Variants in ESR1 observed in about 807,000 individuals in gnomAD.
ESR1 encodes estrogen receptor 1.
ESR1 carries 12 observed loss-of-function variants against 52.7 expected under a neutral mutation model. The ratio of observed to expected loss-of-function variants is 0.23; its 90% confidence interval spans 0.15 to 0.37. ESR1 has a LOEUF of 0.37. ESR1 is among the 10% of genes least tolerant of loss of function. ESR1 has a pLI of 1.00. For synonymous variants in ESR1, 305 were observed against 316.8 expected (o/e 0.96, Z 0.39); for missense variants, 584 against 779.7 (o/e 0.75, Z 2.99).
At chr6:151,897,129 C>T (rs530260314) in intron 3 of ESR1, among the ~76,000 whole-genome samples, 8 of 152,136 alleles carry the variant, frequency 5.3e-5, no homozygotes, top group South Asian at 4.2e-4. Context: ...AAGTTGCATA[C>T]GCTGATGAAT....
At chr6:151,886,879 A>T (rs1331785819) in intron 3 of ESR1, among the ~76,000 whole-genome samples, 1 of 152,014 alleles carries the variant, frequency 6.6e-6, no homozygotes, top group Admixed American at 6.6e-5. Flanking sequence ...CGTCTCTACT[A>T]AGGATACAAA....
upstream of ESR1, among the ~76,000 whole-genome samples, chr6:151,800,283 G>C (rs888335461): frequency 7.9e-5 from 12 of 152,102 alleles, no homozygotes; most frequent in African/African-American, 2.9e-4. Context: ...AGAGGAGGGA[G>C]AGGAAGAGGG....
At chr6:152,044,020 G>A (rs2046022572) in intron 5 of ESR1, among the ~76,000 whole-genome samples, 2 of 152,126 alleles carry the variant, frequency 1.3e-5, no homozygotes, top group South Asian at 4.1e-4. Context: ...TCTGGAGCTG[G>A]GAGATAGAAT....
Position 151,952,772 on chromosome 6 carries a change from G to A in ESR1, c.1096+8264G>A, listed in dbSNP as rs548328435. On this transcript the variant is annotated intron_variant, in intron 4 of 7. Coordinates refer to ENST00000206249, the MANE Select transcript of ESR1 (RefSeq NM_000125.4). ...ATGAAAAGATGAATAGTCTTTATTG[G>A]CTGGGTATCTATTTTTATCCAGAAG... Among the ~76,000 whole-genome samples the A allele has an allele frequency of 1.4e-4, 22 of 152,194 alleles. No individual in the cohort carries two copies. The South Asian group carries it at 1.7e-3, about 12-fold the overall frequency.
chr6:151,923,727 G>C (rs1442987020), intron 3 of ESR1, among the ~76,000 whole-genome samples: 1 of 152,096 alleles, frequency 6.6e-6, no homozygotes, highest in Non-Finnish European at 1.5e-5. Flanking sequence ...TCTCTTGATT[G>C]CTTCTAAATT....
Position 152,101,228 on chromosome 6 carries a change from A to T in ESR1, c.*2262A>T, listed in dbSNP as rs1346897424. The T allele has an allele frequency of 8.6e-6, 2 of 232,042 alleles. No homozygotes were observed. The highest frequency in any genetic ancestry group is 4.4e-5 in the African/African-American group (2 of 45,260). 14.4% of individuals were successfully genotyped at this position (232,042 alleles called of 1,614,324 possible). A position where few individuals can be genotyped will look rare whatever the true frequency, so the allele number is the denominator to read the frequency against. Reference sequence around the variant, plus strand: ...AATGACAGACAATCTTATGTAGCAAAGATTATGCCTGAAAAGGAAAATTAT... The same window carrying T: ...AATGACAGACAATCTTATGTAGCAATGATTATGCCTGAAAAGGAAAATTAT... On this transcript the variant is annotated 3_prime_UTR_variant, in exon 8 of 8. Coordinates refer to ENST00000206249, the MANE Select transcript of ESR1 (RefSeq NM_000125.4).
At chr6:151,717,481 T>C (rs571157819) in intron 2 of ESR1, among the ~76,000 whole-genome samples, 1 of 152,360 alleles carries the variant, frequency 6.6e-6, no homozygotes, top group South Asian at 2.1e-4. Flanking sequence ...GATAGTATCT[T>C]GTAATCCAAG....
At chr6:152,058,170 CT>C (rs1453207730) in intron 5 of ESR1, among the ~76,000 whole-genome samples, 2 of 152,002 alleles carry the variant, frequency 1.3e-5, no homozygotes, top group South Asian at 2.1e-4. Context: ...ACATTTTCCC[CT>C]ATCCTTGTTT....
intron 3 of ESR1, among the ~76,000 whole-genome samples, chr6:151,911,125 A>G (rs145791604): frequency 1.3e-5 from 2 of 152,330 alleles, no homozygotes; most frequent in African/African-American, 2.4e-5. Context: ...CTAACAGGCC[A>G]TGAACTGGTA....
chr6:151,815,314 A>G (rs1034007235), intron 1 of ESR1, among the ~76,000 whole-genome samples: 2 of 152,206 alleles, frequency 1.3e-5, no homozygotes, highest in Non-Finnish European at 2.9e-5. Flanking sequence ...TTACAGGGAA[A>G]AAATTGTAGG....
At chr6:151,723,868 G>A (rs1041721074) in intron 2 of ESR1, among the ~76,000 whole-genome samples, 2 of 152,010 alleles carry the variant, frequency 1.3e-5, no homozygotes, top group Non-Finnish European at 2.9e-5. Context: ...AGACTCCATC[G>A]TGGGAAAACA....
intron 5 of ESR1, among the ~76,000 whole-genome samples, chr6:152,026,393 C>T (rs960993731): frequency 1.3e-5 from 2 of 151,896 alleles, no homozygotes; most frequent in Non-Finnish European, 2.9e-5. Flanking sequence ...AAGATCATGA[C>T]TCTTGATTCC....
intron 4 of ESR1, among the ~76,000 whole-genome samples, chr6:151,975,396 G>C (rs1481926951): frequency 6.6e-6 from 1 of 151,124 alleles, no homozygotes; most frequent in Non-Finnish European, 1.5e-5. Context: ...ATATCAATTT[G>C]ATGTATTAGT....
chr6:151,746,908 G>T (rs1394441288), intron 2 of ESR1, among the ~76,000 whole-genome samples: 2 of 152,160 alleles, frequency 1.3e-5, no homozygotes, highest in Non-Finnish European at 2.9e-5. Flanking sequence ...GGTTAATAAT[G>T]GATTGTGGTG....
chr6:151,794,345 C>G (rs1287694515), intron 2 of ESR1, among the ~76,000 whole-genome samples: 1 of 152,054 alleles, frequency 6.6e-6, no homozygotes, highest in East Asian at 1.9e-4. Context: ...AAGAAAAATT[C>G]AGTGGTTTAT....
intron 5 of ESR1, among the ~76,000 whole-genome samples, chr6:152,048,823 C>T (rs1390106912): frequency 6.6e-6 from 1 of 152,166 alleles, no homozygotes; most frequent in Non-Finnish European, 1.5e-5. Context: ...GTCAGTGTAT[C>T]AAAAATAGAG....
chr6:151,678,782 G>T (rs1287067653), intron 1 of ESR1, among the ~76,000 whole-genome samples: 3 of 151,896 alleles, frequency 2.0e-5, no homozygotes, highest in African/African-American at 7.3e-5. Flanking sequence ...CACCTCCTGG[G>T]TTCAAGCGAT....
chr6:151,787,775 G>C (rs780830868), intron 2 of ESR1, among the ~76,000 whole-genome samples: 8 of 152,088 alleles, frequency 5.3e-5, no homozygotes, highest in Non-Finnish European at 1.0e-4. Flanking sequence ...TAAATATAGG[G>C]ACATGTCATC....
chr6:151,693,772 C>T (rs1485156360), intron 1 of ESR1, among the ~76,000 whole-genome samples: 2 of 152,198 alleles, frequency 1.3e-5, no homozygotes, highest in Admixed American at 1.3e-4. Flanking sequence ...CATGTGCCAC[C>T]ATGGCCAGCT....
Sources: gnomAD v4.1 joint callset for allele counts (sites outside exome capture counted in the v4.1 genomes callset) on GRCh38, gnomAD v4.1.1 for gene constraint, MANE v1.5 for transcripts, NCBI Gene and HGNC (gene_info 2026-07-23, HGNC 2026-07-21) for gene names.